NAA38: variants seen among roughly 807,000 people sequenced by gnomAD.
NAA38 encodes N-alpha-acetyltransferase 38, NatC auxiliary subunit.
Under a neutral mutation model 12.6 loss-of-function variants are expected in NAA38, and 15 were observed. That is an observed-to-expected ratio of 1.19 (90% CI 0.79 to 1.83). The LOEUF is 1.83. NAA38 is among the 40% of genes most tolerant of loss of function. The pLI, the probability that NAA38 is intolerant of heterozygous loss-of-function variation, is 0.00. For missense variants in NAA38, 183 were observed against 171.7 expected, an observed-to-expected ratio of 1.07 and a Z score of -0.37; for synonymous variants, 88 against 69.9, an observed-to-expected ratio of 1.26 and a Z score of -1.29.
upstream of NAA38, chr17:7,857,852 T>C (rs2151384891): frequency 1.5e-6 from 2 of 1,374,110 alleles, no homozygotes; most frequent in Non-Finnish European, 1.9e-6. Flanking sequence ...ATTCGTTCTC[T>C]GCCCCACCCC....
Position 7,884,457 on chromosome 17 carries a change from C to CATATATATATATAT in NAA38, c.-167+694_-167+707dup, listed in dbSNP as rs377079849. 1.6e-3 allele frequency among the ~76,000 whole-genome samples: 203 copies of CATATATATATATAT among 130,816 alleles called. 4 individuals carry two copies. In the East Asian group the frequency reaches 0.039, roughly 25 times the overall value. The allele number at this position is 130,816 out of a possible 152,430, so 85.8% of individuals were successfully genotyped here. A position where few individuals can be genotyped will look rare whatever the true frequency, so the allele number is the denominator to read the frequency against. ...GAAGTCGAAAACTTTTATATATATA[C>CATATATATATATAT]ATATATATATATATATATATGTATA... is the stretch of plus-strand genomic sequence containing the variant. On this transcript the variant is annotated intron_variant, in intron 1 of 4. Coordinates refer to the NAA38 transcript ENST00000576861.
chr17:7,857,140 G>A lies in NAA38; in HGVS notation c.140C>T (p.Ala47Val), dbSNP rs765809610. The A allele has an allele frequency of 4.3e-6, 7 of 1,613,026 alleles. No individual in the cohort carries two copies. Among genetic ancestry groups the A allele is most frequent in the Non-Finnish European group, 5.9e-6 (7 of 1,180,044 alleles). ...AAERARQQLEALLNKTMRIRM... is the reference protein window; with the variant it reads ...AAERARQQLEVLLNKTMRIRM... ...AATGCGCATAGTCTTGTTGAGCAGC[G>A]CCTCTAGCTGCTGTCGGGCGCGCTC... is the stretch of plus-strand genomic sequence containing the variant. Residue 47 changes from alanine to valine, a missense_variant, in exon 2 of 3, where the codon GCG (alanine) becomes GTG (valine). Physicochemically the swap from Ala to Val is moderately conservative, Grantham distance 64 (BLOSUM62 0). Transcript: ENST00000575771.
intron 2 of NAA38, chr17:7,877,018 TCTA>T (rs1359332641): frequency 2.8e-6 from 1 of 356,214 alleles, no homozygotes; most frequent in African/African-American, 2.2e-5. Flanking sequence ...CTACATTACA[TCTA>T]CTGATTGTAC....
chr17:7,875,269 ATTT>A (rs1222535386), intron 2 of NAA38, among the ~76,000 whole-genome samples: 1 of 152,156 alleles, frequency 6.6e-6, no homozygotes, highest in African/African-American at 2.4e-5. Context: ...TTTAATTGAT[ATTT>A]AACTTCCTCA....
chr17:7,866,083 C>CTTTTTTT (rs555845058), intron 3 of NAA38: 1 of 122,464 alleles, frequency 8.2e-6, no homozygotes, highest in Non-Finnish European at 1.7e-5. Flanking sequence ...CCATGGGGAA[C>CTTTTTTT]TTTTTTTTTT....
chr17:7,866,574 A>G, intron 2 of NAA38: 2 of 1,168,632 alleles, frequency 1.7e-6, no homozygotes, highest in Non-Finnish European at 1.1e-6. Flanking sequence ...ATGCCCCCCA[A>G]GCTTTGCATC....
upstream of NAA38, chr17:7,859,927 G>T (rs2078870524): frequency 3.4e-6 from 1 of 296,082 alleles, no homozygotes. Flanking sequence ...GTTCTACAGG[G>T]GTGAGGGATG....
In NAA38 at chr17:7,871,011, A is replaced by T. The variant is rs906437924; in HGVS notation, c.-65-4453T>A. 5.3e-5 allele frequency among the ~76,000 whole-genome samples: 8 copies of T among 152,170 alleles called. 1 individual carries two copies. The highest frequency in any genetic ancestry group is 4.6e-4 in the Admixed American group (7 of 15,278). ...CAAAGTGTGGAGATTACAGGTGTGA[A>T]CCACCACACCCAACCAGAAATTATT... On this transcript the variant is annotated intron_variant, in intron 2 of 4. Transcript: ENST00000576861.
chr17:7,859,504 G>A (rs1157794298), upstream of NAA38: 1 of 1,614,192 alleles, frequency 6.2e-7, no homozygotes, highest in Non-Finnish European at 8.5e-7. Context: ...CCCTGGAAGA[G>A]AATGGGATCC....
chr17:7,884,763 G>T, intron 1 of NAA38: 1 of 293,716 alleles, frequency 3.4e-6, no homozygotes, highest in Non-Finnish European at 6.0e-6. Context: ...GGGGAGGCGG[G>T]CGGGCGGTGG....
At position 7,857,384 on chromosome 17, in the gene NAA38, C is replaced by A; in HGVS notation, c.80G>T (p.Gly27Val). ...CCCAGAACCAGAGCCCGTGCTAACC[C>A]CAGCACTGGAGCTGCTCTGACGCCG... The part of the protein sequence containing the change: ...CSRRQSSSSA[G>V]DSDGEREDSA... The change falls in exon 1 of 3, where the codon GGG becomes GTG. Residue 27 changes from glycine (G) to valine (V), a missense_variant and splice_region_variant. Transcript: ENST00000575771. The A allele has an allele frequency of 6.2e-7, 1 of 1,612,272 alleles. No homozygotes were observed. The highest frequency in any genetic ancestry group is 8.5e-7 in the Non-Finnish European group (1 of 1,179,376).
At chr17:7,881,330 G>A (rs1967268771) in intron 2 of NAA38, among the ~76,000 whole-genome samples, 1 of 152,128 alleles carries the variant, frequency 6.6e-6, no homozygotes, top group South Asian at 2.1e-4. Context: ...GCAAGAGCCT[G>A]CCAAGCAGAC....
intron 2 of NAA38, among the ~76,000 whole-genome samples, chr17:7,882,685 T>G (rs1967296317): frequency 6.6e-6 from 1 of 151,536 alleles, no homozygotes; most frequent in Middle Eastern, 3.4e-3. Context: ...AAAGGCCAGG[T>G]TAAAAAAAAA....
chr17:7,858,319 G>A (rs2078850213), upstream of NAA38: 1 of 1,613,920 alleles, frequency 6.2e-7, no homozygotes, highest in East Asian at 2.2e-5. Context: ...TTGGGCCGGG[G>A]CCGGAGTGTG....
At chr17:7,872,510 G>A (rs1418432540) in intron 2 of NAA38, among the ~76,000 whole-genome samples, 1 of 152,182 alleles carries the variant, frequency 6.6e-6, no homozygotes, top group Non-Finnish European at 1.5e-5. Context: ...TTGCAGGCAT[G>A]CGCCACCACG....
chr17:7,859,435 C>G (rs2078866136), upstream of NAA38: 3 of 1,614,020 alleles, frequency 1.9e-6, no homozygotes, highest in Non-Finnish European at 1.7e-6. Flanking sequence ...TCCCCTATAA[C>G]TCACATGCTG....
intron 3 of NAA38, chr17:7,865,515 T>C (rs910535259): frequency 1.3e-5 from 2 of 152,336 alleles, no homozygotes; most frequent in South Asian, 2.1e-4. Flanking sequence ...CTGTCTCACA[T>C]AGCTCTCAAT....
At chr17:7,863,685 T>C (rs1168188966) in intron 3 of NAA38, 1 of 152,180 alleles carries the variant, frequency 6.6e-6, no homozygotes, top group East Asian at 1.9e-4. Flanking sequence ...TGTGTATTAT[T>C]TTTGGAAAAT....
chr17:7,877,426 TC>T (rs1454599578), intron 2 of NAA38, among the ~76,000 whole-genome samples: 1 of 151,828 alleles, frequency 6.6e-6, no homozygotes, highest in Non-Finnish European at 1.5e-5. Flanking sequence ...ATTAACCATG[TC>T]TCTACATACA....
Sources: gnomAD v4.1 joint callset for allele counts (sites outside exome capture counted in the v4.1 genomes callset) on GRCh38, gnomAD v4.1.1 for gene constraint, MANE v1.5 for transcripts, NCBI Gene and HGNC (gene_info 2026-07-23, HGNC 2026-07-21) for gene names.